Variants in ZNF248 observed in about 807,000 individuals in gnomAD.
ZNF248 encodes the protein KRAB protein domain.
A neutral mutation model predicts 44.3 loss-of-function variants in ZNF248; 20 were observed. The ratio of observed to expected loss-of-function variants is 0.45; its 90% confidence interval spans 0.32 to 0.66. The LOEUF (loss-of-function observed/expected upper bound fraction) is 0.66. Among genes scored for constraint, ZNF248 ranks in the 30% least tolerant of loss-of-function variants. The pLI, the probability that ZNF248 is intolerant of heterozygous loss-of-function variation, is 0.04. For synonymous variants in ZNF248, 224 were observed against 229.0 expected, an observed-to-expected ratio of 0.98 and a Z score of 0.20; for missense variants, 654 against 677.0, an observed-to-expected ratio of 0.97 and a Z score of 0.38.
In ZNF248 at chr10:37,832,421, A is replaced by C. The variant is rs1477099501; in HGVS notation, c.934T>G (p.Phe312Val). The C allele has an allele frequency of 4.3e-6, 7 of 1,614,034 alleles. No homozygotes were observed. Among genetic ancestry groups the C allele is most frequent in the South Asian group, 1.1e-5 (1 of 91,074 alleles). Residue 312 changes from phenylalanine to valine, a missense_variant, in exon 6 of 6, where the codon TTC (phenylalanine) becomes GTC (valine). By Grantham distance (50) the Phe-to-Val change is conservative. Coordinates refer to ENST00000395867, the MANE Select transcript of ZNF248 (RefSeq NM_021045.3). ...YGEIFCDNSAFIIHQGAYTRK... is the reference protein window; with the variant it reads ...YGEIFCDNSAVIIHQGAYTRK... ...GTGTAAGCTCCCTGATGGATAATGA[A>C]AGCTGAATTGTCACAGAAGATTTCC...
chr10:37,802,547 A>C (rs2049958589), intron 6 of ZNF248, among the ~76,000 whole-genome samples: 1 of 152,222 alleles, frequency 6.6e-6, no homozygotes, highest in African/African-American at 2.4e-5. Context: ...GAAAAATTTA[A>C]AACAACAGAG....
chr10:37,830,612 A>G lies in ZNF248; in HGVS notation c.*1003T>C. ...GCCAAATACGTTTTCATATATACAC[A>G]GTGATGTGCTGTAAATATTTGACAG... On this transcript the variant is annotated 3_prime_UTR_variant, in exon 6 of 6. Coordinates refer to ENST00000395867, the MANE Select transcript of ZNF248 (RefSeq NM_021045.3). 2.0e-6 allele frequency: 2 copies of G among 985,094 alleles called. No homozygotes were observed. The highest frequency in any genetic ancestry group is 2.4e-6 in the Non-Finnish European group (2 of 829,618). The allele number at this position is 985,094 out of a possible 1,614,324, so 61.0% of individuals were successfully genotyped here. A position where few individuals can be genotyped will look rare whatever the true frequency, so the allele number is the denominator to read the frequency against.
At chr10:37,791,766 A>C (rs2048579266) in intron 6 of ZNF248, 1 of 152,262 alleles carries the variant, frequency 6.6e-6, no homozygotes, top group South Asian at 2.1e-4. Context: ...GAAAGAACCC[A>C]GAAGCCAACC....
At chr10:37,819,973 C>T (rs1375006106) in intron 6 of ZNF248, 39 of 767,728 alleles carry the variant, frequency 5.1e-5, no homozygotes, top group Middle Eastern at 4.6e-4. Context: ...CCATCTCAAG[C>T]GGTCTTGCAT....
the ZNF248 span, among the ~76,000 whole-genome samples, chr10:37,765,724 T>C: frequency 5.1e-4 from 78 of 152,342 alleles, no homozygotes; most frequent in Admixed American, 3.9e-3. Flanking sequence ...TCTAAGGTAC[T>C]GGGTTCATCT....
intron 6 of ZNF248, chr10:37,818,723 G>A: frequency 3.3e-6 from 2 of 597,428 alleles, no homozygotes; most frequent in Non-Finnish European, 6.1e-6. Flanking sequence ...CAGGCCAGTT[G>A]CTGGGCATCA....
At chr10:37,825,740 C>G (rs930930235), downstream of ZNF248, among the ~76,000 whole-genome samples, 1 of 152,086 alleles carries the variant, frequency 6.6e-6, no homozygotes, top group Non-Finnish European at 1.5e-5. Context: ...CCCACCCAGC[C>G]GTCACATTTC....
At chr10:37,846,735 G>A (rs934264696) in intron 3 of ZNF248, among the ~76,000 whole-genome samples, 1 of 152,088 alleles carries the variant, frequency 6.6e-6, no homozygotes, top group Admixed American at 6.6e-5. Context: ...TAAATTCTTA[G>A]CAAAACATAA....
At chr10:37,789,068 C>T (rs2048216218) in intron 6 of ZNF248, among the ~76,000 whole-genome samples, 1 of 151,982 alleles carries the variant, frequency 6.6e-6, no homozygotes, top group Admixed American at 6.6e-5. Context: ...GATGGGGTTT[C>T]ATCATGTTGG....
chr10:37,802,048 G>C (rs1187593860), intron 6 of ZNF248, among the ~76,000 whole-genome samples: 1 of 152,186 alleles, frequency 6.6e-6, no homozygotes, highest in Non-Finnish European at 1.5e-5. Context: ...TATAGGACCT[G>C]CATGTATTGA....
chr10:37,833,449 T>C (rs1215134267), intron 5 of ZNF248, among the ~76,000 whole-genome samples: 1 of 151,986 alleles, frequency 6.6e-6, no homozygotes, highest in African/African-American at 2.4e-5. Context: ...TCGGAGAAAA[T>C]GGGGTGAACC....
At chr10:37,800,690 G>A (rs535822420) in intron 6 of ZNF248, among the ~76,000 whole-genome samples, 2 of 152,188 alleles carry the variant, frequency 1.3e-5, no homozygotes, top group East Asian at 1.9e-4. Context: ...TTGAGAAATC[G>A]CTAAACTGCT....
At chr10:37,838,145 C>T (rs947852160) in intron 3 of ZNF248, 34 bp from the exon 4 acceptor site, 2 of 1,593,418 alleles carry the variant, frequency 1.3e-6, no homozygotes, top group Non-Finnish European at 1.7e-6. Flanking sequence ...ATGAAATGGT[C>T]AGAACTAGAT....
At chr10:37,759,342 C>T in the ZNF248 span, among the ~76,000 whole-genome samples, 1 of 152,180 alleles carries the variant, frequency 6.6e-6, no homozygotes, top group Admixed American at 6.5e-5. Flanking sequence ...GCTACCAACA[C>T]ACTCCCCAGA....
intron 6 of ZNF248, among the ~76,000 whole-genome samples, chr10:37,822,266 C>G (rs1231485450): frequency 6.6e-6 from 1 of 152,200 alleles, no homozygotes; most frequent in African/African-American, 2.4e-5. Context: ...CTACCACAAA[C>G]TGCGTATCAA....
chr10:37,800,878 CAGCCTCCCAACTAGCTGGGATT>C (rs1168897828), intron 6 of ZNF248, among the ~76,000 whole-genome samples: 1 of 151,918 alleles, frequency 6.6e-6, no homozygotes, highest in East Asian at 2.0e-4. Flanking sequence ...TCTCCTGCCT[CAGCCTCCCAACTAGCTGGGATT>C]ACAGGCATCT....
At chr10:37,808,872 G>GT (rs58001845) in intron 6 of ZNF248, among the ~76,000 whole-genome samples, 19,533 of 151,184 alleles carry the variant, frequency 0.13, 1,355 homozygotes, top group Admixed American at 0.2. Flanking sequence ...TTTGTCAAGA[G>GT]TTTTTTTTTC....
the ZNF248 span, among the ~76,000 whole-genome samples, chr10:37,771,416 T>C: frequency 3.9e-5 from 6 of 152,088 alleles, no homozygotes; most frequent in Admixed American, 3.9e-4. Flanking sequence ...ATGTGGCACA[T>C]ATACACCATG....
intron 5 of ZNF248, among the ~76,000 whole-genome samples, chr10:37,835,564 C>T (rs1172117158): frequency 1.3e-5 from 2 of 152,090 alleles, no homozygotes; most frequent in Non-Finnish European, 2.9e-5. Context: ...GGCAATGGCC[C>T]TTGAGCTAAG....
Sources: allele counts gnomAD v4.1 joint callset (sites outside exome capture counted in the v4.1 genomes callset), GRCh38; gene constraint gnomAD v4.1.1; transcripts MANE v1.5; gene names NCBI Gene and HGNC (gene_info 2026-07-23, HGNC 2026-07-21).